Variants in SIM1 observed in about 807,000 individuals in gnomAD.
SIM1 encodes SIM bHLH transcription factor 1.
A neutral mutation model predicts 78.2 loss-of-function variants in SIM1; 18 were observed. The observed-to-expected ratio is 0.23, with a 90% CI of 0.16 to 0.34. The LOEUF is 0.34. Among genes scored for constraint, SIM1 ranks in the 10% least tolerant of loss-of-function variants. The pLI is 1.00. For synonymous variants in SIM1, 417 were observed against 385.2 expected (o/e 1.08, Z -0.97); for missense variants, 939 against 975.1 (o/e 0.96, Z 0.49).
rs1416749612 is a variant in SIM1, at chr6:100,386,812, T to C, written c.*3549A>G. ...TTATTGCATCCCGTCTCATTTTGAA[T>C]GTCACCTCAGCACTGTCATATTATC... is the stretch of plus-strand genomic sequence containing the variant. On this transcript the variant is annotated 3_prime_UTR_variant, in exon 12 of 12. Transcript: ENST00000369208. 6 of 152,104 alleles carry C rather than the reference T, an allele frequency of 3.9e-5. No individual in the cohort carries two copies. The highest frequency in any genetic ancestry group is 1.9e-4 in the East Asian group (1 of 5,192). 9.4% of individuals were successfully genotyped at this position (152,104 alleles called of 1,614,324 possible).
At chr6:100,446,613 C>T (rs1299963269) in intron 9 of SIM1, among the ~76,000 whole-genome samples, 1 of 152,254 alleles carries the variant, frequency 6.6e-6, no homozygotes, top group Non-Finnish European at 1.5e-5. Context: ...CAAATGCAGG[C>T]CTCTGCAGCC....
chr6:100,387,762 C>T lies in SIM1; in HGVS notation c.*2599G>A, dbSNP rs989336132. 1 of 152,088 alleles carries T rather than the reference C, an allele frequency of 6.6e-6. No individual in the cohort carries two copies. Among genetic ancestry groups the T allele is most frequent in the African/African-American group, 2.4e-5 (1 of 41,428 alleles). The allele number at this position is 152,088 out of a possible 1,614,324, so 9.4% of individuals were successfully genotyped here. A position where few individuals can be genotyped will look rare whatever the true frequency, so the allele number is the denominator to read the frequency against. ...CATTATTCCTTCTGATTACTCTCAT[C>T]TGTGAAATTCATAATTTCTTCTTCT... On this transcript the variant is annotated 3_prime_UTR_variant, in exon 12 of 12. Coordinates refer to ENST00000369208, the MANE Select transcript of SIM1 (RefSeq NM_005068.3).
chr6:100,397,297 A>T (rs1770790899), intron 10 of SIM1, among the ~76,000 whole-genome samples: 2 of 152,134 alleles, frequency 1.3e-5, no homozygotes, highest in African/African-American at 4.8e-5. Context: ...TGCCCTTAAG[A>T]CCTATAAGGT....
chr6:100,435,654 A>T (rs1215154945), intron 9 of SIM1, among the ~76,000 whole-genome samples: 1 of 152,212 alleles, frequency 6.6e-6, no homozygotes, highest in Non-Finnish European at 1.5e-5. Flanking sequence ...AAGAAAAAAG[A>T]AGCAAAAAAA....
At chr6:100,396,141 A>G in intron 10 of SIM1, 1 of 937,248 alleles carries the variant, frequency 1.1e-6, no homozygotes, top group East Asian at 1.2e-4. Flanking sequence ...CACTTTCACC[A>G]AAGCAGGGCT....
At chr6:100,391,900 T>C (rs1397172257) in intron 11 of SIM1, among the ~76,000 whole-genome samples, 2 of 152,152 alleles carry the variant, frequency 1.3e-5, no homozygotes, top group Non-Finnish European at 2.9e-5. Flanking sequence ...AGGCCGGGCA[T>C]GGTGGCTCAC....
chr6:100,402,729 C>T (rs1770953999), intron 10 of SIM1, among the ~76,000 whole-genome samples: 1 of 151,938 alleles, frequency 6.6e-6, no homozygotes, highest in Non-Finnish European at 1.5e-5. Flanking sequence ...AGGCGCCCGC[C>T]ACCACGCCTG....
chr6:100,463,517 T>C lies in SIM1; in HGVS notation c.-49A>G. The C allele has an allele frequency of 6.6e-7, 1 of 1,514,874 alleles. No individual in the cohort carries two copies. Among genetic ancestry groups the C allele is most frequent in the Non-Finnish European group, 8.9e-7 (1 of 1,118,188 alleles). The allele number at this position is 1,514,874 out of a possible 1,614,324, so 93.8% of individuals were successfully genotyped here. A position where few individuals can be genotyped will look rare whatever the true frequency, so the allele number is the denominator to read the frequency against. On this transcript the variant is annotated 5_prime_UTR_variant, in exon 2 of 12. The change abolishes an upstream ATG in the 5' untranslated region. Transcript: ENST00000369208. Reference sequence around the variant, plus strand: ...TCACAACTTAAGCTCCGCAGATTCATCCAAAACCAAAAATAAACTTTCAAT... The same window carrying C: ...TCACAACTTAAGCTCCGCAGATTCACCCAAAACCAAAAATAAACTTTCAAT...
intron 9 of SIM1, among the ~76,000 whole-genome samples, chr6:100,433,106 A>G (rs764648688): frequency 3.9e-5 from 6 of 152,104 alleles, no homozygotes; most frequent in Non-Finnish European, 8.8e-5. Context: ...CGAGGCAATT[A>G]CAATCATTTC....
At chr6:100,401,285 T>C (rs1770908577) in intron 10 of SIM1, among the ~76,000 whole-genome samples, 1 of 152,072 alleles carries the variant, frequency 6.6e-6, no homozygotes, top group Admixed American at 6.5e-5. Flanking sequence ...CTATTCAGAT[T>C]AAAGGAGATG....
intron 10 of SIM1, among the ~76,000 whole-genome samples, chr6:100,403,034 G>T (rs142445121): frequency 1.0e-3 from 155 of 152,282 alleles, no homozygotes; most frequent in Non-Finnish European, 1.6e-3. Flanking sequence ...AATTAAGAAA[G>T]TTCAGTAAAA....
intron 10 of SIM1, among the ~76,000 whole-genome samples, chr6:100,405,265 A>G (rs888514186): frequency 3.3e-5 from 5 of 152,108 alleles, no homozygotes; most frequent in African/African-American, 1.2e-4. Flanking sequence ...AATATATTCT[A>G]AAAGAAAAAT....
intron 2 of SIM1, among the ~76,000 whole-genome samples, chr6:100,455,422 C>A (rs867365693): frequency 1.3e-5 from 2 of 152,210 alleles, no homozygotes; most frequent in Non-Finnish European, 2.9e-5. Flanking sequence ...CCACAGCCAC[C>A]TGTACACACC....
chr6:100,411,631 C>A (rs1771193557), intron 10 of SIM1, among the ~76,000 whole-genome samples: 1 of 152,174 alleles, frequency 6.6e-6, no homozygotes, highest in South Asian at 2.1e-4. Flanking sequence ...ATTCCATTAT[C>A]ATTTAGTGAG....
At chr6:100,442,055 C>G (rs1354603139) in intron 9 of SIM1, among the ~76,000 whole-genome samples, 5 of 152,170 alleles carry the variant, frequency 3.3e-5, no homozygotes, top group African/African-American at 1.2e-4. Flanking sequence ...AGTTTCCACA[C>G]CTAAAAATAC....
In SIM1 at chr6:100,393,517, G is replaced by A. The variant is rs746740428; in HGVS notation, c.1540C>T (p.Pro514Ser). ...ESREAYENSM[P>S]HIASVHRIHG... Reference sequence around the variant, plus strand: ...ATCCTGTGGACTGAAGCGATGTGAGGCATGCTGTTTTCATAGGCTTCTCTG... The same window carrying A: ...ATCCTGTGGACTGAAGCGATGTGAGACATGCTGTTTTCATAGGCTTCTCTG... Residue 514 changes from proline (P) to serine (S), a missense_variant, in exon 11 of 12, where the codon CCT becomes TCT. Physicochemically the swap from Pro to Ser is moderately conservative, Grantham distance 74. This residue lies in a region of SIM1 where 556 missense variants were observed against 521.9 expected (regional missense o/e 1.07). Transcript: ENST00000369208. The A allele has an allele frequency of 1.9e-6, 3 of 1,570,010 alleles. No individual in the cohort carries two copies. The highest frequency in any genetic ancestry group is 2.6e-6 in the Non-Finnish European group (3 of 1,154,720).
chr6:100,447,561 T>A, intron 8 of SIM1, 146 bp from the exon 9 acceptor site: 1 of 891,118 alleles, frequency 1.1e-6, no homozygotes, highest in South Asian at 1.7e-5. Flanking sequence ...GACAGGCAAA[T>A]TCCCAAAGGA....
At chr6:100,458,712 C>A (rs894011882) in intron 2 of SIM1, among the ~76,000 whole-genome samples, 1 of 152,050 alleles carries the variant, frequency 6.6e-6, no homozygotes, top group Non-Finnish European at 1.5e-5. Flanking sequence ...GTGCGGGAGG[C>A]GCGACGGGGA....
chr6:100,431,794 G>T (rs1340189020), intron 9 of SIM1, among the ~76,000 whole-genome samples: 1 of 152,138 alleles, frequency 6.6e-6, no homozygotes, highest in African/African-American at 2.4e-5. Context: ...CTCAATAGTG[G>T]TCCAATAGCT....
Sources: allele counts gnomAD v4.1 joint callset (sites outside exome capture counted in the v4.1 genomes callset), GRCh38; gene constraint gnomAD v4.1.1; regional missense constraint gnomAD v4.1.1; transcripts MANE v1.5; gene names NCBI Gene and HGNC (gene_info 2026-07-23, HGNC 2026-07-21).